The following NLK variants were observed in gnomAD, a reference collection of about 807,000 sequenced individuals.
NLK encodes nemo like kinase.
Under a neutral mutation model 59.0 loss-of-function variants are expected in NLK, and 11 were observed. The observed-to-expected ratio is 0.19, with a 90% CI of 0.12 to 0.31. NLK has a LOEUF of 0.31. Ranked by LOEUF, NLK falls within the 10% of genes least tolerant of loss-of-function variation. The pLI is 1.00. For synonymous variants in NLK, 235 were observed against 235.9 expected, an observed-to-expected ratio of 1.00 and a Z score of 0.03; for missense variants, 410 against 661.1, an observed-to-expected ratio of 0.62 and a Z score of 4.16.
At chr17:28,203,780 AC>A in the NLK span, among the ~76,000 whole-genome samples, 1 of 151,974 alleles carries the variant, frequency 6.6e-6, no homozygotes, top group Admixed American at 6.6e-5. Context: ...CAGGTGATCC[AC>A]CTGCCTCAGC....
chr17:28,099,786 G>A (rs901949087), intron 1 of NLK, among the ~76,000 whole-genome samples: 17 of 150,752 alleles, frequency 1.1e-4, no homozygotes, highest in Non-Finnish European at 2.4e-4. Flanking sequence ...CACCTTGTTA[G>A]CCAGGATGGT....
chr17:28,106,747 T>C (rs915196713), intron 1 of NLK, among the ~76,000 whole-genome samples: 2 of 152,030 alleles, frequency 1.3e-5, no homozygotes, highest in Non-Finnish European at 2.9e-5. Context: ...TTCAACCAAA[T>C]GAAAAAGAGA....
chr17:28,091,200 G>A (rs1475686577), intron 1 of NLK, among the ~76,000 whole-genome samples: 4 of 152,106 alleles, frequency 2.6e-5, no homozygotes, highest in African/African-American at 9.7e-5. Context: ...AGCCATTTAT[G>A]TAAATTTTAA....
intron 1 of NLK, among the ~76,000 whole-genome samples, chr17:28,080,658 A>G (rs1910313674): frequency 6.6e-6 from 1 of 152,138 alleles, no homozygotes; most frequent in South Asian, 2.1e-4. Context: ...ATTTGGAGGC[A>G]TTGGAGCATT....
At chr17:28,095,245 C>A (rs1208595702) in intron 1 of NLK, among the ~76,000 whole-genome samples, 1 of 152,102 alleles carries the variant, frequency 6.6e-6, no homozygotes, top group Non-Finnish European at 1.5e-5. Flanking sequence ...CCTGCTTTAT[C>A]CCCATATTTC....
the NLK span, among the ~76,000 whole-genome samples, chr17:28,201,402 A>T: frequency 1.2e-3 from 58 of 47,154 alleles, no homozygotes; most frequent in African/African-American, 3.4e-3. Flanking sequence ...TTTTTTTTTT[A>T]AAGAGACAGG....
chr17:28,042,850 C>T lies in NLK; in HGVS notation c.-24C>T, dbSNP rs746577909. Reference sequence around the variant, plus strand: ...ATGACAGCTTGACCCAGTTTGCTTTCCAATCAAAGGGCATTTATTTTGAAT... The same window carrying T: ...ATGACAGCTTGACCCAGTTTGCTTTTCAATCAAAGGGCATTTATTTTGAAT... On this transcript the variant is annotated 5_prime_UTR_variant, in exon 1 of 11. Transcript: ENST00000407008. 1 of 1,469,350 alleles carries T rather than the reference C, an allele frequency of 6.8e-7. No homozygotes were observed. Among genetic ancestry groups the T allele is most frequent in the Non-Finnish European group, 9.1e-7 (1 of 1,103,720 alleles). 91.0% of individuals were successfully genotyped at this position (1,469,350 alleles called of 1,614,324 possible). A position where few individuals can be genotyped will look rare whatever the true frequency, so the allele number is the denominator to read the frequency against.
intron 3 of NLK, 120 bp from the exon 4 acceptor site, chr17:28,161,040 G>A (rs1907983904): frequency 3.2e-6 from 2 of 622,584 alleles, no homozygotes; most frequent in Non-Finnish European, 5.8e-6. Flanking sequence ...ACGCTGTCTA[G>A]AAGCTTTCTT....
At chr17:28,179,453 G>C (rs1210992585) in intron 7 of NLK, among the ~76,000 whole-genome samples, 2 of 152,064 alleles carry the variant, frequency 1.3e-5, no homozygotes, top group African/African-American at 4.8e-5. Flanking sequence ...TCTCCCGGCT[G>C]GGAATGGTGG....
At chr17:28,185,538 TAAGTC>T (rs1318716990) in intron 8 of NLK, among the ~76,000 whole-genome samples, 1 of 152,116 alleles carries the variant, frequency 6.6e-6, no homozygotes, top group Non-Finnish European at 1.5e-5. Flanking sequence ...GACACCAAGT[TAAGTC>T]AAGACAAAAT....
intron 2 of NLK, among the ~76,000 whole-genome samples, chr17:28,132,316 T>A (rs1044190610): frequency 6.6e-6 from 1 of 152,200 alleles, no homozygotes; most frequent in Admixed American, 6.5e-5. Flanking sequence ...TCTCACGCTC[T>A]TAGAGTAACA....
chr17:28,042,951 T>TCAC lies in NLK; in HGVS notation c.90_92dup (p.His34dup), dbSNP rs752673421. On this transcript the variant is annotated inframe_insertion, in exon 1 of 11. Transcript: ENST00000407008. The stretch of plus-strand genomic sequence containing the variant: ...GCGGTACATCTGCAGCAGCAGCAGG[T>TCAC]CACCACCACCACCATCACCACCACC... The TCAC allele has an allele frequency of 6.4e-7, 1 of 1,552,058 alleles. No individual in the cohort carries two copies. The highest frequency in any genetic ancestry group is 8.7e-7 in the Non-Finnish European group (1 of 1,147,380).
chr17:28,136,632 C>T (rs780911258), intron 3 of NLK, among the ~76,000 whole-genome samples: 1 of 152,026 alleles, frequency 6.6e-6, no homozygotes, highest in Admixed American at 6.6e-5. Context: ...GACAGAATTT[C>T]GCTCTTTTTT....
chr17:28,116,408 T>G (rs1227104362), intron 1 of NLK: 1 of 184,262 alleles, frequency 5.4e-6, no homozygotes, highest in African/African-American at 2.3e-5. Context: ...GTGACCCATC[T>G]TGCTTTCAGG....
At chr17:28,116,287 G>A (rs1369313302) in intron 1 of NLK, 10 of 203,560 alleles carry the variant, frequency 4.9e-5, no homozygotes, top group Non-Finnish European at 8.5e-5. Flanking sequence ...GGAAACACTG[G>A]CAGCACCTAT....
At chr17:28,135,110 C>T (rs1007485016) in intron 3 of NLK, among the ~76,000 whole-genome samples, 1 of 152,162 alleles carries the variant, frequency 6.6e-6, no homozygotes, top group Non-Finnish European at 1.5e-5. Context: ...TAGTAGCATT[C>T]CTATCAGTGT....
chr17:28,071,580 C>T lies in NLK; in HGVS notation c.458+28249C>T, dbSNP rs112973244. On this transcript the variant is annotated intron_variant, in intron 1 of 10. Transcript: ENST00000407008. ...TTATCACTAAGTATTTAATATTTTT[C>T]GATGCCATTGGAAATGGTATTTTTA... Among the ~76,000 whole-genome samples, 419 of 152,080 alleles carry T rather than the reference C, an allele frequency of 2.8e-3. 3 individuals carry two copies. The highest frequency in any genetic ancestry group is 9.3e-3 in the African/African-American group (384 of 41,484).
chr17:28,134,612 C>A (rs1373194777), intron 3 of NLK, among the ~76,000 whole-genome samples: 1 of 152,150 alleles, frequency 6.6e-6, no homozygotes, highest in Non-Finnish European at 1.5e-5. Flanking sequence ...AACCAATCCC[C>A]CTTGGATACT....
intron 3 of NLK, among the ~76,000 whole-genome samples, chr17:28,150,809 C>T (rs937065100): frequency 6.6e-6 from 1 of 152,176 alleles, no homozygotes; most frequent in African/African-American, 2.4e-5. Flanking sequence ...GCATACCATG[C>T]ACAGTGTGTT....
Sources: allele counts gnomAD v4.1 joint callset (sites outside exome capture counted in the v4.1 genomes callset), GRCh38; gene constraint gnomAD v4.1.1; transcripts MANE v1.5; gene names NCBI Gene and HGNC (gene_info 2026-07-23, HGNC 2026-07-21).